DMD: variants seen among roughly 807,000 people sequenced by gnomAD.
DMD encodes mutant dystrophin.
In DMD, 63 loss-of-function variants were observed where a neutral mutation model predicts 330.1. The observed-to-expected ratio is 0.19, with a 90% CI of 0.16 to 0.24. The LOEUF (loss-of-function observed/expected upper bound fraction) is 0.24, where lower values mean the gene tolerates loss of function less well. Among genes scored for constraint, DMD ranks in the 10% least tolerant of loss-of-function variants. The pLI, the probability that DMD is intolerant of heterozygous loss-of-function variation, is 1.00. For synonymous variants in DMD, 1,223 were observed against 959.8 expected, an observed-to-expected ratio of 1.27 and a Z score of -5.07; for missense variants, 3,344 against 2,684.1, an observed-to-expected ratio of 1.25 and a Z score of -5.43.
chrX:31,926,549 G>C (rs186233602), intron 47 of DMD, among the ~76,000 whole-genome samples: 1 of 110,058 alleles, frequency 9.1e-6, no homozygotes, highest in East Asian at 2.9e-4. Context: ...GGTGGTGCGC[G>C]CCTGTAGTCC....
intron 43 of DMD, among the ~76,000 whole-genome samples, chrX:32,234,230 A>G (rs2097179651): frequency 8.9e-6 from 1 of 111,935 alleles, no homozygotes; most frequent in African/African-American, 3.3e-5. Flanking sequence ...TGGGTCAGGA[A>G]AAGACAGATG....
intron 5 of DMD, among the ~76,000 whole-genome samples, chrX:32,821,881 T>C (rs754011871): frequency 1.1e-4 from 12 of 110,524 alleles, no homozygotes; most frequent in South Asian, 3.8e-4. Flanking sequence ...ATCGCTATGA[T>C]GGCTATATAA....
At chrX:31,210,463 A>G (rs2044539122) in intron 64 of DMD, among the ~76,000 whole-genome samples, 1 of 112,367 alleles carries the variant, frequency 8.9e-6, no homozygotes, top group South Asian at 3.7e-4. Flanking sequence ...AAAATTTAAC[A>G]AAAGTGAAAC....
At chrX:32,531,024 A>T (rs780703216) in intron 17 of DMD, among the ~76,000 whole-genome samples, 10 of 111,943 alleles carry the variant, frequency 8.9e-5, no homozygotes, top group African/African-American at 2.6e-4. Context: ...TCCCTTTCAG[A>T]GCTTGTCTTC....
intron 27 of DMD, among the ~76,000 whole-genome samples, chrX:32,448,208 A>G (rs1341667222): frequency 9.0e-6 from 1 of 111,301 alleles, no homozygotes; most frequent in Non-Finnish European, 1.9e-5. Flanking sequence ...TAGGCTAAGT[A>G]GTTTAAAGAG....
chrX:31,963,419 G>C (rs529677654), intron 45 of DMD, among the ~76,000 whole-genome samples: 2 of 111,639 alleles, frequency 1.8e-5, no homozygotes, highest in Admixed American at 1.9e-4. Context: ...CACACAAGAA[G>C]GGCTTTTTAA....
chrX:31,827,438 G>T (rs1402476930), intron 49 of DMD, among the ~76,000 whole-genome samples: 1 of 111,930 alleles, frequency 8.9e-6, no homozygotes, highest in Non-Finnish European at 1.9e-5. Context: ...AATAGTACTA[G>T]ACCTAAGAAA....
chrX:32,947,352 C>A (rs144496615), intron 2 of DMD, among the ~76,000 whole-genome samples: 3,007 of 111,976 alleles, frequency 0.027, 34 homozygotes, highest in Non-Finnish European at 0.037. Context: ...TTCTTTTTTT[C>A]TCCTTACTTT....
Position 31,982,759 on chromosome X carries a change from T to A in DMD, c.6439-14245A>T, listed in dbSNP as rs760778712. Among the ~76,000 whole-genome samples the A allele has an allele frequency of 2.0e-3, 221 of 109,446 alleles. 1 individual carries two copies. Among genetic ancestry groups the A allele is most frequent in the African/African-American group, 7.1e-3 (216 of 30,590 alleles). On this transcript the variant is annotated intron_variant, in intron 44 of 78. Coordinates refer to ENST00000357033, the MANE Select transcript of DMD (RefSeq NM_004006.3). ...TATATTAATTATTTAAATATGATAT[T>A]TTAAAATAAAGTTATCATACTTTAT...
chrX:31,192,198 T>C (rs1445632745), intron 67 of DMD, among the ~76,000 whole-genome samples: 1 of 112,224 alleles, frequency 8.9e-6, no homozygotes, highest in Admixed American at 9.4e-5. Context: ...TATTAATGAC[T>C]CTTCTTCCAA....
chrX:32,579,866 G>T (rs1381327677), intron 13 of DMD, among the ~76,000 whole-genome samples: 1 of 112,750 alleles, frequency 8.9e-6, no homozygotes, highest in African/African-American at 3.2e-5. Flanking sequence ...ATTTTAACAC[G>T]AAGAAGCATG....
chrX:32,804,505 C>G (rs1002878604), intron 7 of DMD, among the ~76,000 whole-genome samples: 2 of 112,487 alleles, frequency 1.8e-5, no homozygotes, highest in Non-Finnish European at 3.8e-5. Context: ...TCCCATCTCC[C>G]TGAGACAGAG....
At chrX:31,792,206 A>G (rs115009017) in intron 50 of DMD, among the ~76,000 whole-genome samples, 68 of 112,001 alleles carry the variant, frequency 6.1e-4, no homozygotes, top group African/African-American at 2.2e-3. Context: ...ACTACATATC[A>G]TGGACCTTTA....
intron 43 of DMD, among the ~76,000 whole-genome samples, chrX:32,280,161 T>TAC (rs2097413565): frequency 6.3e-5 from 2 of 31,641 alleles, no homozygotes; most frequent in Admixed American, 5.7e-4. Flanking sequence ...TATATATATA[T>TAC]ACAGTATATA....
rs950779455 is a variant in DMD at position 31,121,550 on chromosome X, TAAAC to T, written c.*365_*368del. Reference sequence around the variant, plus strand: ...TTTCTTTATAACTGTTATAAATTTTTAAACAACCCAAAATGCGTTCCATATAAAG... The same window carrying T: ...TTTCTTTATAACTGTTATAAATTTTTAACCCAAAATGCGTTCCATATAAAG... On this transcript the variant is annotated 3_prime_UTR_variant, in exon 79 of 79. Transcript: ENST00000357033. The T allele has an allele frequency of 4.6e-5, 11 of 239,629 alleles. No homozygotes were observed. The highest frequency in any genetic ancestry group is 3.2e-4 in the African/African-American group (11 of 34,683). The allele number at this position is 239,629 out of a possible 1,213,427, so 19.7% of individuals were successfully genotyped here.
intron 17 of DMD, among the ~76,000 whole-genome samples, chrX:32,541,954 A>T (rs1656583): frequency 0.22 from 24,439 of 110,936 alleles, 2,121 homozygotes; most frequent in East Asian, 0.32. Context: ...AGGTATGGTT[A>T]ATTGGAAGGA....
At chrX:32,070,045 G>C (rs774420395) in intron 44 of DMD, among the ~76,000 whole-genome samples, 5 of 111,446 alleles carry the variant, frequency 4.5e-5, no homozygotes, top group African/African-American at 6.5e-5. Context: ...GTACAGGCAG[G>C]GGAGGAAAGC....
chrX:32,752,718 G>C (rs1039327447), intron 7 of DMD, among the ~76,000 whole-genome samples: 6 of 108,881 alleles, frequency 5.5e-5, no homozygotes, highest in African/African-American at 2.0e-4. Context: ...ATCTCATCTT[G>C]AATTCCCACA....
At chrX:33,077,637 T>C (rs1228612707) in intron 1 of DMD, among the ~76,000 whole-genome samples, 1 of 111,595 alleles carries the variant, frequency 9.0e-6, no homozygotes, top group African/African-American at 3.3e-5. Context: ...AGAAACATTA[T>C]TACTCTCATC....
Sources: allele counts gnomAD v4.1 joint callset (sites outside exome capture counted in the v4.1 genomes callset), GRCh38; gene constraint gnomAD v4.1.1; transcripts MANE v1.5; gene names NCBI Gene and HGNC (gene_info 2026-07-23, HGNC 2026-07-21).